The following DRC11 variants were observed in gnomAD, a reference collection of about 807,000 sequenced individuals.
The protein encoded by DRC11 is dynein regulatory complex subunit 11.
the DRC11 span, among the ~76,000 whole-genome samples, chr2:236,382,472 T>C: frequency 6.6e-5 from 10 of 152,344 alleles, no homozygotes; most frequent in Admixed American, 3.3e-4. Flanking sequence ...AATTTGTCTA[T>C]GTCTACAAAT....
the DRC11 span, among the ~76,000 whole-genome samples, chr2:236,387,471 A>C: frequency 6.6e-6 from 1 of 150,732 alleles, no homozygotes; most frequent in African/African-American, 2.4e-5. Flanking sequence ...TTTATCAGAG[A>C]CTAGGATTGC....
chr2:236,363,950 A>C, the DRC11 span: 1 of 1,614,030 alleles, frequency 6.2e-7, no homozygotes, highest in Non-Finnish European at 8.5e-7. The surrounding 1 kb of genome is among the most constrained non-coding windows in gnomAD (Gnocchi z 5.6). Flanking sequence ...GATTTCACCA[A>C]AGGAGCTTTC....
the DRC11 span, chr2:236,363,735 T>C: frequency 2.8e-6 from 4 of 1,406,922 alleles, no homozygotes; most frequent in Non-Finnish European, 4.0e-6. The surrounding 1 kb of genome is among the most constrained non-coding windows in gnomAD (Gnocchi z 5.6). Context: ...AAAATGTAAT[T>C]TGAAAGAGGG....
At chr2:236,451,884 A>G in the DRC11 span, among the ~76,000 whole-genome samples, 1 of 152,202 alleles carries the variant, frequency 6.6e-6, no homozygotes, top group Admixed American at 6.5e-5. Context: ...TCTCTGCAGA[A>G]TGGTGCAATT....
the DRC11 span, among the ~76,000 whole-genome samples, chr2:236,347,467 C>T: frequency 6.9e-6 from 1 of 144,254 alleles, no homozygotes; most frequent in Admixed American, 7.1e-5. Context: ...AATTGTGGCA[C>T]CAACCCAAAT....
the DRC11 span, among the ~76,000 whole-genome samples, chr2:236,400,904 T>C: frequency 1.3e-5 from 2 of 152,190 alleles, no homozygotes; most frequent in African/African-American, 4.8e-5. This position sits in a 1 kb window ranked among gnomAD's most constrained non-coding sequence, Gnocchi z 7.9. Context: ...CCGTGGAGGC[T>C]TTCCTGGGGT....
At chr2:236,454,832 C>T in the DRC11 span, 1 of 152,318 alleles carries the variant, frequency 6.6e-6, no homozygotes. This position sits in a 1 kb window ranked among gnomAD's most constrained non-coding sequence, Gnocchi z 5.3. Flanking sequence ...TCTTTACTCA[C>T]CCAGATTGTA....
chr2:236,416,715 A>AAT, the DRC11 span, among the ~76,000 whole-genome samples: 22 of 69,506 alleles, frequency 3.2e-4, no homozygotes, highest in African/African-American at 1.2e-3. Context: ...TTACATATAT[A>AAT]TATATTTATA....
chr2:236,342,746 A>T, the DRC11 span, among the ~76,000 whole-genome samples: 1 of 152,158 alleles, frequency 6.6e-6, no homozygotes, highest in South Asian at 2.1e-4. This position sits in a 1 kb window ranked among gnomAD's most constrained non-coding sequence, Gnocchi z 5.8. Context: ...GGAGGATGGC[A>T]TTCATGCCTC....
the DRC11 span, among the ~76,000 whole-genome samples, chr2:236,387,975 T>C: frequency 2.0e-5 from 3 of 152,208 alleles, no homozygotes; most frequent in Non-Finnish European, 4.4e-5. Flanking sequence ...TCTTTAAGAA[T>C]GTTGAATATT....
chr2:236,366,811 C>CCTCTCTCTCTTTCTCT, the DRC11 span, among the ~76,000 whole-genome samples: 8 of 144,600 alleles, frequency 5.5e-5, no homozygotes, highest in Non-Finnish European at 1.1e-4. Flanking sequence ...CCTTCCTCCT[C>CCTCTCTCTCTTTCTCT]CTCTCTCTCT....
At chr2:236,422,367 C>CA in the DRC11 span, among the ~76,000 whole-genome samples, 2 of 152,164 alleles carry the variant, frequency 1.3e-5, no homozygotes, top group Non-Finnish European at 2.9e-5. Context: ...TCTCAGGATA[C>CA]AAAATCAATG....
the DRC11 span, among the ~76,000 whole-genome samples, chr2:236,463,974 C>T: frequency 2.0e-5 from 3 of 152,252 alleles, no homozygotes; most frequent in Non-Finnish European, 2.9e-5. The surrounding 1 kb of genome is among the most constrained non-coding windows in gnomAD (Gnocchi z 5.0). Context: ...GGGCCCTCAG[C>T]TTCTCACTGG....
the DRC11 span, chr2:236,391,831 T>A: frequency 2.8e-5 from 19 of 688,364 alleles, no homozygotes; most frequent in Middle Eastern, 4.0e-4. The surrounding 1 kb of genome is among the most constrained non-coding windows in gnomAD (Gnocchi z 4.5). Flanking sequence ...GTGGACCAAT[T>A]AAATTTACCA....
the DRC11 span, chr2:236,503,833 T>C: frequency 2.6e-6 from 2 of 773,496 alleles, no homozygotes; most frequent in South Asian, 3.1e-5. The surrounding 1 kb of genome is among the most constrained non-coding windows in gnomAD (Gnocchi z 4.9). Flanking sequence ...GCTCAGCCCA[T>C]CTGGCCTTGC....
the DRC11 span, among the ~76,000 whole-genome samples, chr2:236,461,012 TCTC>T: frequency 2.6e-5 from 4 of 152,142 alleles, no homozygotes; most frequent in Non-Finnish European, 5.9e-5. This position sits in a 1 kb window ranked among gnomAD's most constrained non-coding sequence, Gnocchi z 4.0. Context: ...TGCCTCAGCC[TCTC>T]AAAGTATAGG....
chr2:236,380,995 C>T, the DRC11 span, among the ~76,000 whole-genome samples: 2 of 152,128 alleles, frequency 1.3e-5, no homozygotes, highest in African/African-American at 2.4e-5. This position sits in a 1 kb window ranked among gnomAD's most constrained non-coding sequence, Gnocchi z 4.9. Context: ...ACCTTTGGTG[C>T]CTGATATAAG....
At chr2:236,345,449 A>G in the DRC11 span, among the ~76,000 whole-genome samples, 2 of 152,182 alleles carry the variant, frequency 1.3e-5, no homozygotes, top group Non-Finnish European at 2.9e-5. Context: ...GCTGAAAATG[A>G]ATGGAGAACT....
chr2:236,461,625 G>A, the DRC11 span, among the ~76,000 whole-genome samples: 3 of 152,314 alleles, frequency 2.0e-5, no homozygotes, highest in East Asian at 5.8e-4. The surrounding 1 kb of genome is among the most constrained non-coding windows in gnomAD (Gnocchi z 4.0). Context: ...ATCTGAGTGA[G>A]CAGTGGTTAC....
Sources: allele counts gnomAD v4.1 joint callset (sites outside exome capture counted in the v4.1 genomes callset), GRCh38; gene constraint gnomAD v4.1.1; non-coding constraint Gnocchi (gnomAD v3.1); transcripts MANE v1.5; gene names NCBI Gene and HGNC (gene_info 2026-07-23, HGNC 2026-07-21).